The following GTF3C1 variants were observed in gnomAD, a reference collection of about 807,000 sequenced individuals.
GTF3C1 encodes general transcription factor 3C polypeptide 1.
Under a neutral mutation model 226.7 loss-of-function variants are expected in GTF3C1, and 57 were observed. The observed-to-expected ratio is 0.25, with a 90% CI of 0.20 to 0.31. The LOEUF is 0.31. GTF3C1 is among the 10% of genes least tolerant of loss of function. The probability of loss-of-function intolerance (pLI) is 1.00; values close to 1 mark genes in which losing one functional copy is unlikely to be tolerated. For synonymous variants in GTF3C1, 1,090 were observed against 1,084.8 expected, an observed-to-expected ratio of 1.00 and a Z score of -0.09; for missense variants, 2,217 against 2,776.1, an observed-to-expected ratio of 0.80 and a Z score of 4.53.
At position 27,533,315 on chromosome 16, in the gene GTF3C1, C is replaced by A. The variant is rs1342565183; in HGVS notation, c.825G>T (p.Thr275=). ...CCAGCTCTTCCCTCAGCTTTCCCAG[C>A]GTCTCTATGTGGTTAGTCCGTGTGC... ...MLSTRTNHIE[T]LGKLREELGL... The change falls in exon 5 of 37, where the codon ACG becomes ACT. Residue 275 remains threonine, a synonymous_variant. Coordinates refer to ENST00000356183, the MANE Select transcript of GTF3C1 (RefSeq NM_001520.4). 5.0e-6 allele frequency: 8 copies of A among 1,599,558 alleles called. No homozygotes were observed. Among genetic ancestry groups the A allele is most frequent in the African/African-American group, 4.0e-5 (3 of 74,634 alleles).
chr16:27,524,887 C>T (rs531082248), intron 6 of GTF3C1, among the ~76,000 whole-genome samples: 2 of 152,366 alleles, frequency 1.3e-5, no homozygotes, highest in African/African-American at 2.4e-5. Flanking sequence ...AGTGCAGTGG[C>T]TCACGCCTGT....
intron 23 of GTF3C1, among the ~76,000 whole-genome samples, chr16:27,486,772 C>T (rs1160790294): frequency 6.6e-6 from 1 of 152,248 alleles, no homozygotes; most frequent in African/African-American, 2.4e-5. Context: ...AGCAGTCTAG[C>T]ATCAGGGAAT....
At chr16:27,524,442 T>C (rs1276857035) in intron 6 of GTF3C1, among the ~76,000 whole-genome samples, 1 of 152,212 alleles carries the variant, frequency 6.6e-6, no homozygotes, top group Non-Finnish European at 1.5e-5. Flanking sequence ...AGTCTCACAA[T>C]ACCCTGGAAA....
At position 27,464,839 on chromosome 16, in the gene GTF3C1, G is replaced by A; in HGVS notation, c.5356-3C>T. The A allele has an allele frequency of 1.3e-6, 2 of 1,502,894 alleles. No individual in the cohort carries two copies. Among genetic ancestry groups the A allele is most frequent in the South Asian group, 1.3e-5 (1 of 75,520 alleles). 93.1% of individuals were successfully genotyped at this position (1,502,894 alleles called of 1,614,324 possible). A position where few individuals can be genotyped will look rare whatever the true frequency, so the allele number is the denominator to read the frequency against. ...ACCTGATGCTGCTCCAGGAGGGCCTGGGGAGGCAGGAGACACGCGGGGTCT... is the reference window on the plus strand; with the variant it reads ...ACCTGATGCTGCTCCAGGAGGGCCTAGGGAGGCAGGAGACACGCGGGGTCT... On this transcript the variant is annotated splice_region_variant and splice_polypyrimidine_tract_variant and intron_variant, in intron 33 of 36. Coordinates refer to ENST00000356183, the MANE Select transcript of GTF3C1 (RefSeq NM_001520.4).
chr16:27,478,387 T>C, intron 28 of GTF3C1, 82 bp downstream of exon 28: 1 of 988,556 alleles, frequency 1.0e-6, no homozygotes. Context: ...GATTTGGCCC[T>C]AGATTACCCC....
intron 2 of GTF3C1, among the ~76,000 whole-genome samples, chr16:27,538,804 C>A (rs566065142): frequency 5.3e-5 from 8 of 152,238 alleles, no homozygotes; most frequent in South Asian, 2.1e-4. Flanking sequence ...TGCTTTTCAT[C>A]CAGGTCTTTA....
At chr16:27,476,890 T>C (rs541140950) in intron 28 of GTF3C1, among the ~76,000 whole-genome samples, 31 of 152,326 alleles carry the variant, frequency 2.0e-4, no homozygotes, top group Non-Finnish European at 3.4e-4. Context: ...AAAATCAAAG[T>C]GACTATTGAT....
In GTF3C1 at chr16:27,471,887, C is replaced by A. The variant is rs147847492; in HGVS notation, c.4387G>T (p.Val1463Phe). ...FRLYREYKDHVLVKAFMECQK... is the reference protein window; with the variant it reads ...FRLYREYKDHFLVKAFMECQK... ...CACTCCATGAAGGCCTTCACAAGAA[C>A]GTGGTCCTTGTACTCCCGATAGAGG... Residue 1463 changes from valine to phenylalanine, a missense_variant, in exon 30 of 37, where the codon GTT becomes TTT. Val to Phe is a conservative substitution (Grantham distance 50). This residue lies in a region of GTF3C1 where 546 missense variants were observed against 663.0 expected (regional missense o/e 0.82). Coordinates refer to ENST00000356183, the MANE Select transcript of GTF3C1 (RefSeq NM_001520.4). This position sits in a 1 kb window ranked among gnomAD's most constrained non-coding sequence, Gnocchi z 5.0. 6.2e-7 allele frequency: 1 copy of A among 1,614,044 alleles called. No homozygotes were observed. Among genetic ancestry groups the A allele is most frequent in the Non-Finnish European group, 8.5e-7 (1 of 1,180,026 alleles).
In GTF3C1 at chr16:27,463,494, T is replaced by C. The variant is rs950952339; in HGVS notation, c.5924+47A>G. 17 of 1,096,366 alleles carry C rather than the reference T, an allele frequency of 1.6e-5. 1 individual carries two copies. The highest frequency in any genetic ancestry group is 2.3e-5 in the Non-Finnish European group (16 of 711,092). 67.9% of individuals were successfully genotyped at this position (1,096,366 alleles called of 1,614,324 possible). On this transcript the variant is annotated intron_variant, in intron 35 of 36. Transcript: ENST00000356183. The surrounding 1 kb of genome is among the most constrained non-coding windows in gnomAD (Gnocchi z 4.9). ...CACACAAATCCTTACACTCGGTCCC[T>C]GTCAAGAGCCCCGCCCCAGGCCCCG... is the stretch of plus-strand genomic sequence containing the variant.
chr16:27,538,334 C>A lies in GTF3C1; in HGVS notation c.454G>T (p.Val152Phe). 4.5e-6 allele frequency: 7 copies of A among 1,556,668 alleles called. No individual in the cohort carries two copies. Among genetic ancestry groups the A allele is most frequent in the African/African-American group, 1.4e-5 (1 of 72,462 alleles). Residue 152 changes from valine to phenylalanine, a missense_variant, in exon 3 of 37, where the codon GTT becomes TTT. Around this residue, in one of 12 missense-constraint regions of GTF3C1, gnomAD observed 192 missense variants for 251.8 expected, o/e 0.76. Coordinates refer to ENST00000356183, the MANE Select transcript of GTF3C1 (RefSeq NM_001520.4). The stretch of plus-strand genomic sequence containing the variant: ...CTGTACCGCATGGCCTGGGAGGCAA[C>A]GATGATCAGTTTCTTCCCCCACCTG... ...FDRWGKKLII[V>F]ASQAMRYRAL... is the part of the protein sequence containing the mutation.
In GTF3C1 at chr16:27,478,478, T is replaced by C. The variant is rs1471853410; in HGVS notation, c.4250A>G (p.Glu1417Gly). Residue 1417 changes from glutamate (E) to glycine (G), a missense_variant, in exon 28 of 37, where the codon GAA becomes GGA. By Grantham distance (98) the Glu-to-Gly change is moderately conservative. Around this residue, in one of 12 missense-constraint regions of GTF3C1, gnomAD observed 546 missense variants for 663.0 expected, o/e 0.82. Coordinates refer to ENST00000356183, the MANE Select transcript of GTF3C1 (RefSeq NM_001520.4). ...DEKDQTRKED[E>G]LNSVDDIHFL... ...ATATATCAGTACTTACCTGTTAAGT[T>C]CATCCTCTTTCCTGGTTTGATCTTT... The C allele has an allele frequency of 6.2e-7, 1 of 1,604,712 alleles. No individual in the cohort carries two copies. Among genetic ancestry groups the C allele is most frequent in the Non-Finnish European group, 8.5e-7 (1 of 1,171,492 alleles).
intron 4 of GTF3C1, among the ~76,000 whole-genome samples, chr16:27,537,035 G>GT (rs2089010843): frequency 6.6e-6 from 1 of 152,216 alleles, no homozygotes; most frequent in South Asian, 2.1e-4. Flanking sequence ...CCAGTTTGCT[G>GT]TATCACCTGG....
intron 4 of GTF3C1, among the ~76,000 whole-genome samples, chr16:27,533,709 C>T (rs2088956502): frequency 6.6e-6 from 1 of 152,188 alleles, no homozygotes; most frequent in Non-Finnish European, 1.5e-5. Flanking sequence ...GGAAGTATCA[C>T]ACATATCTTC....
chr16:27,542,824 G>A (rs1005736447), intron 2 of GTF3C1, among the ~76,000 whole-genome samples: 3 of 152,184 alleles, frequency 2.0e-5, no homozygotes, highest in African/African-American at 7.2e-5. Flanking sequence ...AAGGCAGCAC[G>A]TAAGTCTTGC....
intron 19 of GTF3C1, among the ~76,000 whole-genome samples, chr16:27,490,193 A>G (rs2088212308): frequency 6.6e-6 from 1 of 152,218 alleles, no homozygotes; most frequent in African/African-American, 2.4e-5. Context: ...GATGCACTGC[A>G]CGCAGCAGGC....
chr16:27,520,602 C>A (rs1168760492), intron 6 of GTF3C1, among the ~76,000 whole-genome samples: 2 of 152,216 alleles, frequency 1.3e-5, no homozygotes, highest in Non-Finnish European at 2.9e-5. Context: ...GACAATAGTA[C>A]ATGTGGGGGT....
chr16:27,499,087 A>T (rs1440838245), intron 12 of GTF3C1, among the ~76,000 whole-genome samples: 1 of 151,926 alleles, frequency 6.6e-6, no homozygotes, highest in Non-Finnish European at 1.5e-5. Flanking sequence ...CCCCCTTCCC[A>T]CTATCTGAGA....
At position 27,494,973 on chromosome 16, in the gene GTF3C1, A is replaced by G. The variant is rs1029621050; in HGVS notation, c.2633-65T>C. On this transcript the variant is annotated intron_variant, in intron 15 of 36. Coordinates refer to ENST00000356183, the MANE Select transcript of GTF3C1 (RefSeq NM_001520.4). ...ACCAGTCACCATGGTGACACATGGT[A>G]ACGTCATCTCCCAGGAGGTCTTGGT... 5 of 1,406,648 alleles carry G rather than the reference A, an allele frequency of 3.6e-6. No individual in the cohort carries two copies. The African/African-American group carries it at 4.2e-5, about 12-fold the overall frequency. The allele number at this position is 1,406,648 out of a possible 1,614,324, so 87.1% of individuals were successfully genotyped here.
rs1412281245 is a variant in GTF3C1, at chr16:27,489,669, T to G, written c.3226A>C (p.Lys1076Gln). The change falls in exon 20 of 37, where the codon AAG becomes CAG. Residue 1076 changes from lysine (K) to glutamine (Q), a missense_variant. Transcript: ENST00000356183. ...QGSDEEGSLQ[K>Q]EQESAMDKHN... ...TTGTCCATGGCGCTCTCCTGCTCCT[T>G]CTGCAGGCTGCCCTCCTCGTCGCTG... The G allele has an allele frequency of 6.2e-7, 1 of 1,611,632 alleles. No individual in the cohort carries two copies. The highest frequency in any genetic ancestry group is 8.5e-7 in the Non-Finnish European group (1 of 1,179,232).
Sources: gnomAD v4.1 joint callset for allele counts (sites outside exome capture counted in the v4.1 genomes callset) on GRCh38, gnomAD v4.1.1 for gene constraint, gnomAD v4.1.1 regional missense constraint, Gnocchi (gnomAD v3.1) non-coding constraint, MANE v1.5 for transcripts, NCBI Gene and HGNC (gene_info 2026-07-23, HGNC 2026-07-21) for gene names.